Variants in ADAMTS14 observed in about 807,000 individuals in gnomAD.
The protein encoded by ADAMTS14 is ADAM metallopeptidase with thrombospondin type 1 motif 14.
Under a neutral mutation model 128.6 loss-of-function variants are expected in ADAMTS14, and 100 were observed. That is an observed-to-expected ratio of 0.78 (90% CI 0.66 to 0.92). The LOEUF (loss-of-function observed/expected upper bound fraction) is 0.92, where lower values mean the gene tolerates loss of function less well. Ranked by LOEUF, ADAMTS14 falls within the 40% of genes least tolerant of loss-of-function variation. The pLI, the probability that ADAMTS14 is intolerant of heterozygous loss-of-function variation, is 0.00. For synonymous variants in ADAMTS14, 665 were observed against 653.8 expected (o/e 1.02, Z -0.26); for missense variants, 1,562 against 1,658.6 (o/e 0.94, Z 1.01).
chr10:70,737,055 T>A (rs945469523), intron 10 of ADAMTS14, among the ~76,000 whole-genome samples: 8 of 152,278 alleles, frequency 5.3e-5, no homozygotes, highest in African/African-American at 1.9e-4. Flanking sequence ...TCCTAGCCCA[T>A]CTGACAGGAA....
chr10:70,675,464 T>A (rs1424878032), intron 2 of ADAMTS14, among the ~76,000 whole-genome samples: 2 of 152,202 alleles, frequency 1.3e-5, no homozygotes, highest in Non-Finnish European at 2.9e-5. Context: ...CCTGCCTAAC[T>A]GGGCAGTGCA....
chr10:70,740,728 A>G (rs1237431414), intron 11 of ADAMTS14, among the ~76,000 whole-genome samples: 2 of 152,194 alleles, frequency 1.3e-5, no homozygotes, highest in Non-Finnish European at 2.9e-5. Flanking sequence ...CAGTCTGTAC[A>G]TCTGTCCGTC....
At chr10:70,718,570 G>A (rs975824479) in intron 4 of ADAMTS14, among the ~76,000 whole-genome samples, 76 of 151,970 alleles carry the variant, frequency 5.0e-4, no homozygotes, top group Non-Finnish European at 5.7e-4. Context: ...ATTTTTAGTA[G>A]TGATGGGGAT....
chr10:70,759,240 C>T (rs2132762976), intron 21 of ADAMTS14, among the ~76,000 whole-genome samples: 1 of 149,634 alleles, frequency 6.7e-6, no homozygotes, highest in Middle Eastern at 3.4e-3. Flanking sequence ...AATCTGGCGC[C>T]ATCTAGAGGC....
intron 2 of ADAMTS14, among the ~76,000 whole-genome samples, chr10:70,680,337 G>A (rs1449743435): frequency 6.6e-6 from 1 of 152,104 alleles, no homozygotes; most frequent in African/African-American, 2.4e-5. Flanking sequence ...CCCGGGAGGT[G>A]GAGGTTGCAG....
At chr10:70,735,385 C>A in intron 9 of ADAMTS14, 84 bp downstream of exon 9, 1 of 1,530,118 alleles carries the variant, frequency 6.5e-7, no homozygotes, top group Non-Finnish European at 8.8e-7. Flanking sequence ...TCATGAGGTG[C>A]CTTCTGCCCA....
At position 70,702,245 on chromosome 10, in the gene ADAMTS14, G is replaced by A; in HGVS notation, c.523-67G>A. On this transcript the variant is annotated intron_variant, in intron 2 of 21. Coordinates refer to ENST00000373207, the MANE Select transcript of ADAMTS14 (RefSeq NM_080722.4). ...TATGTGCATTCACAGATGCTCGCCT[G>A]TCGGCTGTACTGTGTGTTCATGCCT... 7 of 1,604,344 alleles carry A rather than the reference G, an allele frequency of 4.4e-6. No homozygotes were observed. The South Asian group carries it at 7.8e-5, about 18-fold the overall frequency.
At chr10:70,710,997 G>A (rs1048719004) in intron 4 of ADAMTS14, among the ~76,000 whole-genome samples, 8 of 152,226 alleles carry the variant, frequency 5.3e-5, no homozygotes, top group African/African-American at 1.9e-4. Context: ...GCCCCTTAAT[G>A]TCTCTGGGAC....
Position 70,681,711 on chromosome 10 carries a change from C to T in ADAMTS14, c.522+6716C>T, listed in dbSNP as rs1175877290. Among the ~76,000 whole-genome samples the T allele has an allele frequency of 2.0e-5, 3 of 152,220 alleles. No homozygotes were observed. In the East Asian group the frequency reaches 5.8e-4, roughly 29 times the overall value. On this transcript the variant is annotated intron_variant, in intron 2 of 21. Transcript: ENST00000373207. ...GGAAGCTGCGGGTCGGCTCCACATT[C>T]CACCCTGCTTTGGAGGTGTGGAGTG...
At chr10:70,736,600 C>A in intron 9 of ADAMTS14, 80 bp from the exon 10 acceptor site, 1 of 1,371,094 alleles carries the variant, frequency 7.3e-7, no homozygotes, top group South Asian at 1.3e-5. Context: ...TCATCACACC[C>A]TCTTTTCTCT....
At chr10:70,699,319 AATAAG>A (rs1840426948) in intron 2 of ADAMTS14, among the ~76,000 whole-genome samples, 4 of 152,188 alleles carry the variant, frequency 2.6e-5, no homozygotes, top group Admixed American at 1.3e-4. Context: ...ATAAAGATGA[AATAAG>A]ATAATATATA....
intron 3 of ADAMTS14, among the ~76,000 whole-genome samples, chr10:70,706,568 G>A (rs1014574545): frequency 3.3e-5 from 5 of 152,194 alleles, no homozygotes; most frequent in Non-Finnish European, 7.3e-5. Flanking sequence ...CAGACACCAG[G>A]GCCACCAGAA....
chr10:70,715,358 G>C (rs1212892423), intron 4 of ADAMTS14, among the ~76,000 whole-genome samples: 7 of 152,078 alleles, frequency 4.6e-5, no homozygotes, highest in Admixed American at 2.6e-4. Flanking sequence ...TGTCCTGGAG[G>C]GGCCATGACC....
Position 70,760,695 on chromosome 10 carries a change from A to G in ADAMTS14, c.3514A>G (p.Ile1172Val), listed in dbSNP as rs2132766949. 1 of 1,614,050 alleles carries G rather than the reference A, an allele frequency of 6.2e-7. No individual in the cohort carries two copies. Among genetic ancestry groups the G allele is most frequent in the African/African-American group, 1.3e-5 (1 of 75,006 alleles). The change falls in exon 22 of 22, where the codon ATC (isoleucine) becomes GTC (valine). Residue 1172 changes from isoleucine (I) to valine (V), a missense_variant. Transcript: ENST00000373207. ...GCATCCCTTTGCCCCTGAGACACCAATCCCTGGAGCATCCTGGAGCATCTC... is the reference window on the plus strand; with the variant it reads ...GCATCCCTTTGCCCCTGAGACACCAGTCCCTGGAGCATCCTGGAGCATCTC... ...TQHPFAPETP[I>V]PGASWSISPT...
At chr10:70,747,885 T>G (rs2132726876) in intron 15 of ADAMTS14, among the ~76,000 whole-genome samples, 1 of 152,060 alleles carries the variant, frequency 6.6e-6, no homozygotes, top group Non-Finnish European at 1.5e-5. Flanking sequence ...AGTGTGTGCA[T>G]GCACGTGCAT....
chr10:70,750,042 C>T (rs1842307042), intron 16 of ADAMTS14, 57 bp downstream of exon 16: 10 of 1,588,850 alleles, frequency 6.3e-6, no homozygotes, highest in African/African-American at 2.7e-5. Context: ...CCCCTTAGCT[C>T]GCTACATCTG....
chr10:70,674,745 A>G lies in ADAMTS14; in HGVS notation c.272A>G (p.His91Arg). ...CTCCGGGTGGCTCGCAGCCCTCTGCACCCAGGAGGGACCCTGTGGCCTGGC... is the reference window on the plus strand; with the variant it reads ...CTCCGGGTGGCTCGCAGCCCTCTGCGCCCAGGAGGGACCCTGTGGCCTGGC... ...SHLRVARSPL[H>R]PGGTLWPGRV... Residue 91 changes from histidine (H) to arginine (R), a missense_variant, in exon 2 of 22, where the codon CAC becomes CGC. His to Arg is a conservative substitution (Grantham distance 29, BLOSUM62 0). Coordinates refer to ENST00000373207, the MANE Select transcript of ADAMTS14 (RefSeq NM_080722.4). 6.2e-7 allele frequency: 1 copy of G among 1,613,480 alleles called. No homozygotes were observed.
intron 3 of ADAMTS14, among the ~76,000 whole-genome samples, chr10:70,705,712 C>T (rs1048383527): frequency 6.6e-6 from 1 of 152,210 alleles, no homozygotes; most frequent in Non-Finnish European, 1.5e-5. Flanking sequence ...GCCTTTGGTG[C>T]CTGGCTTCTT....
chr10:70,721,289 C>T (rs1180645073), intron 4 of ADAMTS14, among the ~76,000 whole-genome samples: 1 of 152,054 alleles, frequency 6.6e-6, no homozygotes, highest in African/African-American at 2.4e-5. Flanking sequence ...TCCCAAAGTG[C>T]TGGGATTACA....
Sources: allele counts gnomAD v4.1 joint callset (sites outside exome capture counted in the v4.1 genomes callset), GRCh38; gene constraint gnomAD v4.1.1; transcripts MANE v1.5; gene names NCBI Gene and HGNC (gene_info 2026-07-23, HGNC 2026-07-21).